Variants in CNOT3 observed in about 807,000 individuals in gnomAD.
CNOT3 encodes CCR4-NOT transcription complex subunit 3.
Under a neutral mutation model 89.4 loss-of-function variants are expected in CNOT3, and 2 were observed. The ratio of observed to expected loss-of-function variants is 0.02; its 90% confidence interval spans 0.01 to 0.07. CNOT3 has a LOEUF of 0.07. CNOT3 is among the 10% of genes least tolerant of loss of function. The pLI, the probability that CNOT3 is intolerant of heterozygous loss-of-function variation, is 1.00. For synonymous variants in CNOT3, 486 were observed against 402.0 expected, an observed-to-expected ratio of 1.21 and a Z score of -2.50; for missense variants, 664 against 1,010.2, an observed-to-expected ratio of 0.66 and a Z score of 4.65.
chr19:54,150,893 C>T (rs587705893), intron 13 of CNOT3, among the ~76,000 whole-genome samples: 87 of 151,840 alleles, frequency 5.7e-4, no homozygotes, highest in African/African-American at 1.9e-3. Flanking sequence ...TGGGTTCAAG[C>T]GATTCTCCTG....
intron 10 of CNOT3, among the ~76,000 whole-genome samples, chr19:54,147,750 T>C (rs1219630743): frequency 6.6e-5 from 10 of 152,202 alleles, no homozygotes; most frequent in Admixed American, 6.5e-4. Context: ...TCCAGCTGTT[T>C]TTCCTTCTAC....
chr19:54,152,751 C>T (rs2075192592), intron 15 of CNOT3, 116 bp from the exon 16 acceptor site: 9 of 937,082 alleles, frequency 9.6e-6, no homozygotes. Context: ...TGAAGGTCAG[C>T]ACCGCCCTGG....
At chr19:54,152,100 G>A (rs1489531821) in intron 13 of CNOT3, 126 bp from the exon 14 acceptor site, 2 of 844,108 alleles carry the variant, frequency 2.4e-6, no homozygotes, top group Non-Finnish European at 3.8e-6. Flanking sequence ...GGTAGATTGT[G>A]GGGAGTGGGT....
rs142548733 is a variant in CNOT3, at chr19:54,150,061, C to T, written c.1605+303C>T. On this transcript the variant is annotated intron_variant, in intron 13 of 17. Coordinates refer to ENST00000221232, the MANE Select transcript of CNOT3 (RefSeq NM_014516.4). ...TCTGGGTCTCCATCTTCATCCCCCC[C>T]GCAGGCCCTCAGTTTCTGTCCCCGT... is the stretch of plus-strand genomic sequence containing the variant. Among the ~76,000 whole-genome samples the T allele has an allele frequency of 1.6e-4, 25 of 152,244 alleles. No homozygotes were observed. In the East Asian group the frequency reaches 3.3e-3, roughly 20 times the overall value.
chr19:54,153,774 C>T lies in CNOT3; in HGVS notation c.2097C>T (p.His699=), dbSNP rs778950069. 1 of 1,614,208 alleles carries T rather than the reference C, an allele frequency of 6.2e-7. No homozygotes were observed. Among genetic ancestry groups the T allele is most frequent in the East Asian group, 2.2e-5 (1 of 44,882 alleles). Reference sequence around the variant, plus strand: ...TAAAGAAGCAGTCATGGCGATTCCACACCAAGTACATGATGTGGTTCCAGA... The same window carrying T: ...TAAAGAAGCAGTCATGGCGATTCCATACCAAGTACATGATGTGGTTCCAGA... The part of the protein sequence containing the change: ...KALKKQSWRF[H]TKYMMWFQRH... The change falls in exon 17 of 18, where the codon CAC becomes CAT. Residue 699 remains histidine, a synonymous_variant. Coordinates refer to ENST00000221232, the MANE Select transcript of CNOT3 (RefSeq NM_014516.4).
intron 1 of CNOT3, among the ~76,000 whole-genome samples, chr19:54,139,440 G>A (rs958120249): frequency 4.6e-5 from 7 of 152,122 alleles, no homozygotes; most frequent in Non-Finnish European, 7.4e-5. Flanking sequence ...ATGAGAGTAG[G>A]AAGCTTCCTA....
Position 54,149,681 on chromosome 19 carries a change from C to T in CNOT3, c.1528C>T (p.Pro510Ser), listed in dbSNP as rs759530988. ...TGTGAATCCTCCCAGCTCCCCAACG[C>T]CCAGCTTCAGTGATGCCAAGGCAGC... ...LPVNPPSSPTPSFSDAKAAGA... is the reference protein window; with the variant it reads ...LPVNPPSSPTSSFSDAKAAGA... Residue 510 changes from proline (P) to serine (S), a missense_variant, in exon 13 of 18, where the codon CCC becomes TCC. Pro to Ser is a moderately conservative substitution (Grantham distance 74, BLOSUM62 -1). Around this residue, in one of 8 missense-constraint regions of CNOT3, gnomAD observed 545 missense variants for 566.2 expected, o/e 0.96. Transcript: ENST00000221232. 1 of 1,614,000 alleles carries T rather than the reference C, an allele frequency of 6.2e-7. No homozygotes were observed. The highest frequency in any genetic ancestry group is 1.3e-5 in the African/African-American group (1 of 74,932).
Position 54,146,736 on chromosome 19 carries a change from C to A in CNOT3, c.894+79C>A, listed in dbSNP as rs940979751. On this transcript the variant is annotated intron_variant, in intron 10 of 17. Transcript: ENST00000221232. Reference sequence around the variant, plus strand: ...CAAAGGCATCTTGAGGCCTGAGCGCCGGCCACTGTGCTGGGCTGGTGGACA... The same window carrying A: ...CAAAGGCATCTTGAGGCCTGAGCGCAGGCCACTGTGCTGGGCTGGTGGACA... 1.9e-5 allele frequency: 16 copies of A among 829,876 alleles called. No homozygotes were observed. In the Admixed American group the frequency reaches 2.2e-4, roughly 11 times the overall value. 51.4% of individuals were successfully genotyped at this position (829,876 alleles called of 1,614,324 possible). A position where few individuals can be genotyped will look rare whatever the true frequency, so the allele number is the denominator to read the frequency against.
intron 9 of CNOT3, among the ~76,000 whole-genome samples, chr19:54,146,286 G>T: frequency 6.6e-6 from 1 of 152,280 alleles, no homozygotes; most frequent in Non-Finnish European, 1.5e-5. Flanking sequence ...GGGAGGGGCC[G>T]GTGCCTGGGC....
rs1261286147 is a variant in CNOT3, at chr19:54,155,681, A to G, written c.*274A>G. ...ATTTATGAATAAATAGTTTTATATG[A>G]CGGCTGGCAGCAGCGGCCTCTCCTG... On this transcript the variant is annotated 3_prime_UTR_variant, in exon 18 of 18. Coordinates refer to ENST00000221232, the MANE Select transcript of CNOT3 (RefSeq NM_014516.4). 5 of 1,503,434 alleles carry G rather than the reference A, an allele frequency of 3.3e-6. No individual in the cohort carries two copies. Among genetic ancestry groups the G allele is most frequent in the Non-Finnish European group, 4.5e-6 (5 of 1,105,036 alleles). The allele number at this position is 1,503,434 out of a possible 1,614,324, so 93.1% of individuals were successfully genotyped here.
intron 16 of CNOT3, chr19:54,153,361 A>G (rs528233983): frequency 5.2e-5 from 40 of 762,368 alleles, no homozygotes; most frequent in South Asian, 4.9e-4. Flanking sequence ...CCTGGAGACC[A>G]CTGGGGAGCT....
At chr19:54,140,877 C>T (rs1330092807) in intron 1 of CNOT3, among the ~76,000 whole-genome samples, 3 of 152,156 alleles carry the variant, frequency 2.0e-5, no homozygotes, top group African/African-American at 4.8e-5. Flanking sequence ...CAGTCCTTTC[C>T]GTGTGGAGAC....
At chr19:54,152,385 C>T (rs766797215) in intron 14 of CNOT3, 43 bp from the exon 15 acceptor site, 2 of 1,613,916 alleles carry the variant, frequency 1.2e-6, no homozygotes, top group Admixed American at 1.7e-5. Flanking sequence ...GCCCCTGACC[C>T]ATCCTCACCA....
intron 2 of CNOT3, 46 bp from the exon 3 acceptor site, chr19:54,143,073 C>A: frequency 1.2e-6 from 2 of 1,612,246 alleles, no homozygotes. Flanking sequence ...CTTTAGATAC[C>A]TGCCACCTGG....
At chr19:54,139,880 C>G in intron 1 of CNOT3, among the ~76,000 whole-genome samples, 1 of 152,120 alleles carries the variant, frequency 6.6e-6, no homozygotes, top group East Asian at 1.9e-4. Context: ...GAGATGACTA[C>G]CTCTACCCCA....
chr19:54,140,484 C>T (rs886641468), intron 1 of CNOT3, among the ~76,000 whole-genome samples: 3 of 152,146 alleles, frequency 2.0e-5, no homozygotes, highest in African/African-American at 7.2e-5. Context: ...TCTCTGGCGG[C>T]GTCTCTGCTT....
Position 54,155,455 on chromosome 19 carries a change from C to T in CNOT3, c.*48C>T, listed in dbSNP as rs2075356355. ...CCCCCTTCCCCCGCATGCTGATCCC[C>T]CTGCCCAGGTGAGGGCCCTGCCCTG... On this transcript the variant is annotated 3_prime_UTR_variant, in exon 18 of 18. Transcript: ENST00000221232. The T allele has an allele frequency of 2.3e-6, 3 of 1,283,926 alleles. No individual in the cohort carries two copies. Among genetic ancestry groups the T allele is most frequent in the Non-Finnish European group, 3.3e-6 (3 of 911,378 alleles). The allele number at this position is 1,283,926 out of a possible 1,614,324, so 79.5% of individuals were successfully genotyped here. A position where few individuals can be genotyped will look rare whatever the true frequency, so the allele number is the denominator to read the frequency against.
At chr19:54,153,449 C>T (rs766850589) in intron 16 of CNOT3, 1 of 774,534 alleles carries the variant, frequency 1.3e-6, no homozygotes, top group Non-Finnish European at 2.4e-6. Flanking sequence ...TCTAAATTGC[C>T]TCCTCTCTCA....
At chr19:54,150,144 G>T (rs1286387131) in intron 13 of CNOT3, among the ~76,000 whole-genome samples, 1 of 152,156 alleles carries the variant, frequency 6.6e-6, no homozygotes, top group African/African-American at 2.4e-5. Context: ...GACTGGTTGG[G>T]TGAATGCAGC....
Sources: allele counts gnomAD v4.1 joint callset (sites outside exome capture counted in the v4.1 genomes callset), GRCh38; gene constraint gnomAD v4.1.1; regional missense constraint gnomAD v4.1.1; transcripts MANE v1.5; gene names NCBI Gene and HGNC (gene_info 2026-07-23, HGNC 2026-07-21).